MYOF: variants seen among roughly 807,000 people sequenced by gnomAD.
The protein encoded by MYOF is fer-1-like 3, myoferlin.
In MYOF, 244 loss-of-function variants were observed where a neutral mutation model predicts 284.2. The observed-to-expected ratio is 0.86, with a 90% confidence interval of 0.77 to 0.95. The LOEUF (loss-of-function observed/expected upper bound fraction) is 0.95. MYOF is among the 40% of genes least tolerant of loss of function. The pLI is 0.00. For missense variants in MYOF, 2,496 were observed against 2,560.6 expected (o/e 0.97, Z 0.54); for synonymous variants, 904 against 919.7 (o/e 0.98, Z 0.31).
At chr10:93,311,875 G>T (rs1212802583) in intron 51 of MYOF, among the ~76,000 whole-genome samples, 1 of 152,210 alleles carries the variant, frequency 6.6e-6, no homozygotes, top group Non-Finnish European at 1.5e-5. Flanking sequence ...AGAACTAAGT[G>T]AGGTTATGTG....
chr10:93,329,589 G>T, intron 44 of MYOF, 75 bp downstream of exon 44: 1 of 1,513,186 alleles, frequency 6.6e-7, no homozygotes, highest in Non-Finnish European at 9.1e-7. Context: ...AGGCACTAAG[G>T]TAGAGGGCCT....
In MYOF at chr10:93,333,976, A is replaced by T. The variant is rs542994899; in HGVS notation, c.4564-63T>A. ...GTGGCCCAGGTAGAGGGCTCCTGGGAAGTCCCCTCCTCCGCCAGGGGTGTG... is the reference window on the plus strand; with the variant it reads ...GTGGCCCAGGTAGAGGGCTCCTGGGTAGTCCCCTCCTCCGCCAGGGGTGTG... On this transcript the variant is annotated intron_variant, in intron 41 of 53. Transcript: ENST00000359263. The T allele has an allele frequency of 1.7e-5, 26 of 1,535,928 alleles. 1 individual carries two copies. The Admixed American group carries it at 3.0e-4, about 18-fold the overall frequency.
In MYOF at chr10:93,356,698, T is replaced by C. The variant is rs771810123; in HGVS notation, c.3271A>G (p.Ile1091Val). The change falls in exon 30 of 54, where the codon ATC (isoleucine) becomes GTC (valine). Residue 1091 changes from isoleucine (I) to valine (V), a missense_variant. By Grantham distance (29) the Ile-to-Val change is conservative (BLOSUM62 3). Transcript: ENST00000359263. Reference protein sequence around the residue: ...APSETHGAAAIFKLEGALGAD... With the variant: ...APSETHGAAAVFKLEGALGAD... ...ACAAGGGCACCTTCAAGTTTAAAGA[T>C]GGCAGCTGCACCATGTGTTTCTGAA... 1.9e-6 allele frequency: 3 copies of C among 1,613,434 alleles called. No homozygotes were observed. The Admixed American group carries it at 5.0e-5, about 27-fold the overall frequency.
At chr10:93,375,902 C>T (rs1845814300) in intron 22 of MYOF, among the ~76,000 whole-genome samples, 1 of 152,160 alleles carries the variant, frequency 6.6e-6, no homozygotes, top group Non-Finnish European at 1.5e-5. Flanking sequence ...TGCTGCCAGG[C>T]CTTGCCTCCC....
chr10:93,345,897 C>T (rs924734603), intron 37 of MYOF, among the ~76,000 whole-genome samples: 1 of 152,194 alleles, frequency 6.6e-6, no homozygotes, highest in African/African-American at 2.4e-5. Context: ...TTAGACCCAG[C>T]CCACCCCTGA....
At chr10:93,431,024 C>CTTTTTTTT (rs113713765) in intron 4 of MYOF, among the ~76,000 whole-genome samples, 19 of 117,852 alleles carry the variant, frequency 1.6e-4, no homozygotes, top group East Asian at 2.3e-4. Flanking sequence ...TTTTTCTTTT[C>CTTTTTTTT]TTTTTTTTTT....
At chr10:93,470,748 A>G (rs2057127578) in intron 1 of MYOF, among the ~76,000 whole-genome samples, 1 of 152,194 alleles carries the variant, frequency 6.6e-6, no homozygotes, top group Non-Finnish European at 1.5e-5. Context: ...AGCCTAGACT[A>G]TAAGCTGCAT....
intron 1 of MYOF, among the ~76,000 whole-genome samples, chr10:93,463,391 C>T (rs1564738652): frequency 1.6e-5 from 2 of 122,486 alleles, no homozygotes; most frequent in Non-Finnish European, 3.2e-5. Flanking sequence ...TTCGTCTCTA[C>T]AAATTTTTTT....
At chr10:93,381,874 T>C (rs964585141) in intron 19 of MYOF, among the ~76,000 whole-genome samples, 3 of 152,038 alleles carry the variant, frequency 2.0e-5, no homozygotes, top group African/African-American at 7.2e-5. Flanking sequence ...CTGTCTCTAC[T>C]AAAAATACAA....
chr10:93,377,694 A>G (rs1845897454), intron 21 of MYOF, among the ~76,000 whole-genome samples: 1 of 152,084 alleles, frequency 6.6e-6, no homozygotes. Flanking sequence ...GACTATGTAC[A>G]CTTTGTTAAA....
Position 93,454,986 on chromosome 10 carries a change from T to TAAA in MYOF, c.144+1895_144+1896insTTT, listed in dbSNP as rs1564732516. ...AGAGCGAGACCCTGTCTTTTTTTAA[T>TAAA]TAAAAAAAAAAAAAAAAAAAAAAAA... On this transcript the variant is annotated intron_variant, in intron 2 of 53. Transcript: ENST00000359263. Among the ~76,000 whole-genome samples the TAAA allele has an allele frequency of 4.5e-4, 38 of 84,554 alleles. 1 individual carries two copies. Among genetic ancestry groups the TAAA allele is most frequent in the African/African-American group, 1.4e-3 (28 of 20,008 alleles). The allele number at this position is 84,554 out of a possible 152,430, so 55.5% of individuals were successfully genotyped here.
chr10:93,405,564 G>C (rs1041886375), intron 7 of MYOF, among the ~76,000 whole-genome samples: 1 of 152,154 alleles, frequency 6.6e-6, no homozygotes. Context: ...AAAGTACTGG[G>C]ATTACAGGCG....
At chr10:93,402,182 G>T in intron 11 of MYOF, 50 bp downstream of exon 11, 1 of 1,483,398 alleles carries the variant, frequency 6.7e-7, no homozygotes, top group Non-Finnish European at 9.4e-7. Flanking sequence ...TTAACTCTTG[G>T]CCTTCTTTTT....
At chr10:93,333,152 A>G in intron 43 of MYOF, 69 bp downstream of exon 43, 2 of 1,271,306 alleles carry the variant, frequency 1.6e-6, no homozygotes, top group Non-Finnish European at 2.3e-6. Flanking sequence ...GGTTGGACAC[A>G]TATTAGAGTC....
In MYOF at chr10:93,359,998, T is replaced by C. The variant is rs946664228; in HGVS notation, c.2975-20A>G. The C allele has an allele frequency of 1.2e-6, 2 of 1,614,122 alleles. No individual in the cohort carries two copies. Among genetic ancestry groups the C allele is most frequent in the East Asian group, 2.2e-5 (1 of 44,876 alleles). ...CCCAGCCTGGAACAGAGTTTGTGAA[T>C]GGTTACCCAGAAGAGATGCATTTGC... On this transcript the variant is annotated intron_variant, in intron 28 of 53. Coordinates refer to ENST00000359263, the MANE Select transcript of MYOF (RefSeq NM_013451.4).
At chr10:93,386,264 C>A (rs191096703) in intron 19 of MYOF, among the ~76,000 whole-genome samples, 36 of 152,272 alleles carry the variant, frequency 2.4e-4, no homozygotes, top group Non-Finnish European at 2.6e-4. Context: ...TGCAAACTGT[C>A]CCTTTTCTCA....
At chr10:93,399,896 G>A (rs1358240777) in intron 12 of MYOF, among the ~76,000 whole-genome samples, 1 of 152,154 alleles carries the variant, frequency 6.6e-6, no homozygotes, top group Non-Finnish European at 1.5e-5. Flanking sequence ...AATTAGCCAG[G>A]TGTGGTGGCA....
chr10:93,442,919 G>A (rs2056312018), intron 3 of MYOF, among the ~76,000 whole-genome samples: 1 of 152,194 alleles, frequency 6.6e-6, no homozygotes, highest in African/African-American at 2.4e-5. Context: ...AGTACTTTGG[G>A]AGGCCGAGGG....
chr10:93,396,142 C>A lies in MYOF; in HGVS notation c.1417G>T (p.Asp473Tyr). Residue 473 changes from aspartate (D) to tyrosine (Y), a missense_variant and splice_region_variant, in exon 16 of 54, where the codon GAT becomes TAT. Coordinates refer to ENST00000359263, the MANE Select transcript of MYOF (RefSeq NM_013451.4). Reference sequence around the variant, plus strand: ...GTTCTAGATCTGTTGAGTGACTTACCTTCCACTTCCCCACCAGAGGCAGCA... The same window carrying A: ...GTTCTAGATCTGTTGAGTGACTTACATTCCACTTCCCCACCAGAGGCAGCA... Reference protein sequence around the residue: ...KIAASGGEVEDFSSSGTGAAS... With the variant: ...KIAASGGEVEYFSSSGTGAAS... 1 of 1,604,264 alleles carries A rather than the reference C, an allele frequency of 6.2e-7. No individual in the cohort carries two copies. The highest frequency in any genetic ancestry group is 8.5e-7 in the Non-Finnish European group (1 of 1,173,698).
Sources: gnomAD v4.1 joint callset for allele counts (sites outside exome capture counted in the v4.1 genomes callset) on GRCh38, gnomAD v4.1.1 for gene constraint, MANE v1.5 for transcripts, NCBI Gene and HGNC (gene_info 2026-07-23, HGNC 2026-07-21) for gene names.